Variants in PCSK2 observed in about 807,000 individuals in gnomAD.
The protein encoded by PCSK2 is neuroendocrine convertase 2.
A neutral mutation model predicts 69.7 loss-of-function variants in PCSK2; 14 were observed. That is an observed-to-expected ratio of 0.20 (90% CI 0.13 to 0.31). PCSK2 has a LOEUF of 0.31. Ranked by LOEUF, PCSK2 falls within the 10% of genes least tolerant of loss-of-function variation. PCSK2 has a pLI of 1.00. For missense variants in PCSK2, 544 were observed against 842.5 expected, an observed-to-expected ratio of 0.65 and a Z score of 4.39; for synonymous variants, 307 against 320.7, an observed-to-expected ratio of 0.96 and a Z score of 0.46.
intron 2 of PCSK2, among the ~76,000 whole-genome samples, chr20:17,260,729 A>G (rs1382639452): frequency 6.6e-6 from 1 of 152,184 alleles, no homozygotes; most frequent in Non-Finnish European, 1.5e-5. Flanking sequence ...ACATGCTCAG[A>G]GGAGGTTGCC....
intron 5 of PCSK2, among the ~76,000 whole-genome samples, chr20:17,385,353 G>C (rs1431336688): frequency 6.6e-6 from 1 of 152,114 alleles, no homozygotes; most frequent in Non-Finnish European, 1.5e-5. Flanking sequence ...GAATATCTTG[G>C]GGGCATAGCA....
intron 2 of PCSK2, among the ~76,000 whole-genome samples, chr20:17,298,281 C>A (rs1172702390): frequency 6.6e-6 from 1 of 152,106 alleles, no homozygotes; most frequent in East Asian, 1.9e-4. Context: ...CTTTCAGCCA[C>A]CCTCCTCCAC....
At chr20:17,282,795 A>G (rs749402095) in intron 2 of PCSK2, among the ~76,000 whole-genome samples, 1 of 152,182 alleles carries the variant, frequency 6.6e-6, no homozygotes, top group African/African-American at 2.4e-5. Flanking sequence ...CTCTTTGTAA[A>G]TAAAGTGACA....
At position 17,227,175 on chromosome 20, in the gene PCSK2, C is replaced by G. The variant is rs1985946125; in HGVS notation, c.-131C>G. The G allele has an allele frequency of 1.6e-6, 1 of 625,352 alleles. No homozygotes were observed. The highest frequency in any genetic ancestry group is 2.8e-5 in the East Asian group (1 of 36,252). 38.7% of individuals were successfully genotyped at this position (625,352 alleles called of 1,614,324 possible). On this transcript the variant is annotated 5_prime_UTR_variant, in exon 1 of 12. Transcript: ENST00000262545. ...ATTCGCTGCTTTCCAAGACCCTGTTCAGTCTCTTTCTCTATACAAAGATTT... is the reference window on the plus strand; with the variant it reads ...ATTCGCTGCTTTCCAAGACCCTGTTGAGTCTCTTTCTCTATACAAAGATTT...
rs371636842 is a variant in PCSK2, at chr20:17,364,026, T to C, written c.505+3386T>C. 3.9e-5 allele frequency among the ~76,000 whole-genome samples: 6 copies of C among 152,174 alleles called. No individual in the cohort carries two copies. The East Asian group carries it at 5.8e-4, about 15-fold the overall frequency. On this transcript the variant is annotated intron_variant, in intron 4 of 11. Coordinates refer to ENST00000262545, the MANE Select transcript of PCSK2 (RefSeq NM_002594.5). Reference sequence around the variant, plus strand: ...TCATTCAAAATAGCATTAGGAGATATACCTAATGTTAAATGACGAGTTAAT... The same window carrying C: ...TCATTCAAAATAGCATTAGGAGATACACCTAATGTTAAATGACGAGTTAAT...
intron 5 of PCSK2, among the ~76,000 whole-genome samples, chr20:17,372,848 C>A (rs539361669): frequency 1.2e-4 from 18 of 152,184 alleles, no homozygotes; most frequent in African/African-American, 4.3e-4. Flanking sequence ...AGAGTGGCAA[C>A]TTCGGAGCTA....
intron 6 of PCSK2, among the ~76,000 whole-genome samples, chr20:17,416,467 A>G (rs1001252711): frequency 2.0e-5 from 3 of 152,232 alleles, no homozygotes; most frequent in South Asian, 2.1e-4. Flanking sequence ...CAAAACCACA[A>G]TGAGATACCA....
intron 5 of PCSK2, among the ~76,000 whole-genome samples, chr20:17,407,482 C>T (rs1263697081): frequency 6.6e-6 from 1 of 152,182 alleles, no homozygotes; most frequent in Admixed American, 6.5e-5. Context: ...ACCCCACTAA[C>T]TATACCTAAG....
intron 2 of PCSK2, among the ~76,000 whole-genome samples, chr20:17,340,992 G>A (rs1030105935): frequency 1.3e-5 from 2 of 152,182 alleles, no homozygotes; most frequent in African/African-American, 4.8e-5. Context: ...GCTCATACCT[G>A]TAATCCCAGC....
At chr20:17,466,233 T>C (rs1176714445) in intron 11 of PCSK2, among the ~76,000 whole-genome samples, 2 of 152,320 alleles carry the variant, frequency 1.3e-5, no homozygotes, top group East Asian at 3.9e-4. Flanking sequence ...AGCCATATTC[T>C]TACTTCTAAC....
chr20:17,293,337 C>A (rs1240611697), intron 2 of PCSK2, among the ~76,000 whole-genome samples: 1 of 152,156 alleles, frequency 6.6e-6, no homozygotes, highest in Non-Finnish European at 1.5e-5. Context: ...ATTTTTCTTG[C>A]TGTTGTTTTG....
At chr20:17,469,476 C>G (rs2033163976) in intron 11 of PCSK2, among the ~76,000 whole-genome samples, 1 of 151,968 alleles carries the variant, frequency 6.6e-6, no homozygotes, top group African/African-American at 2.4e-5. Context: ...GTATTTAATC[C>G]TTGTAAGCCC....
At chr20:17,443,289 C>A (rs997208483) in intron 8 of PCSK2, among the ~76,000 whole-genome samples, 1 of 152,204 alleles carries the variant, frequency 6.6e-6, no homozygotes, top group Non-Finnish European at 1.5e-5. Flanking sequence ...AGGAGCCTGA[C>A]ATTTGAGTGA....
At chr20:17,369,159 G>A (rs182837635) in intron 4 of PCSK2, 81 bp from the exon 5 acceptor site, 5 of 1,245,750 alleles carry the variant, frequency 4.0e-6, no homozygotes, top group Admixed American at 1.8e-5. Context: ...CATAAAGAGG[G>A]CACTTTCTTG....
intron 5 of PCSK2, among the ~76,000 whole-genome samples, chr20:17,403,760 C>T (rs929466154): frequency 2.6e-5 from 4 of 152,218 alleles, no homozygotes; most frequent in Admixed American, 6.5e-5. Context: ...ATCATTACCA[C>T]GTTGTACTCG....
chr20:17,252,323 C>T (rs1268418383), intron 1 of PCSK2, among the ~76,000 whole-genome samples: 1 of 152,120 alleles, frequency 6.6e-6, no homozygotes, highest in African/African-American at 2.4e-5. Flanking sequence ...GACTGCCCTC[C>T]CCTTTCTCCA....
chr20:17,437,931 A>C (rs2032518085), intron 8 of PCSK2, among the ~76,000 whole-genome samples: 2 of 151,530 alleles, frequency 1.3e-5, no homozygotes, highest in African/African-American at 2.4e-5. Flanking sequence ...CACAGCTCCC[A>C]CCCCTAGGCT....
chr20:17,234,733 C>G (rs936256706), intron 1 of PCSK2, among the ~76,000 whole-genome samples: 41 of 152,100 alleles, frequency 2.7e-4, no homozygotes, highest in Non-Finnish European at 3.1e-4. Flanking sequence ...AGCTATAGAT[C>G]ATAACGTCAT....
chr20:17,368,450 A>C (rs1282770419), intron 4 of PCSK2, among the ~76,000 whole-genome samples: 45 of 152,148 alleles, frequency 3.0e-4, no homozygotes, highest in Admixed American at 2.9e-3. Flanking sequence ...ATTATGCTAG[A>C]TGGTGTCAAG....
Sources: allele counts gnomAD v4.1 joint callset (sites outside exome capture counted in the v4.1 genomes callset), GRCh38; gene constraint gnomAD v4.1.1; transcripts MANE v1.5; gene names NCBI Gene and HGNC (gene_info 2026-07-23, HGNC 2026-07-21).